The following SH3PXD2A variants were observed in gnomAD, a reference collection of about 807,000 sequenced individuals.
SH3PXD2A encodes SH3 and PX domain-containing protein 2A.
In SH3PXD2A, 32 loss-of-function variants were observed where a neutral mutation model predicts 115.2. The observed-to-expected ratio is 0.28, with a 90% CI of 0.21 to 0.37. SH3PXD2A has a LOEUF of 0.37. SH3PXD2A is among the 10% of genes least tolerant of loss of function. The pLI is 1.00. For missense variants in SH3PXD2A, 1,328 were observed against 1,498.7 expected (o/e 0.89, Z 1.88); for synonymous variants, 610 against 629.1 (o/e 0.97, Z 0.45).
At chr10:103,855,158 G>A (rs1842929274) in intron 1 of SH3PXD2A, 37 bp downstream of exon 1, 4 of 1,479,994 alleles carry the variant, frequency 2.7e-6, no homozygotes, top group Non-Finnish European at 3.6e-6. Flanking sequence ...CGGGACCTCG[G>A]GCCACCCCCA....
intron 5 of SH3PXD2A, among the ~76,000 whole-genome samples, chr10:103,707,767 C>G (rs1465907340): frequency 6.6e-5 from 10 of 152,164 alleles, no homozygotes; most frequent in Non-Finnish European, 1.5e-4. Context: ...AGTTAAGTCA[C>G]TAGCCCAGTG....
At chr10:103,806,270 T>C (rs117257157) in intron 1 of SH3PXD2A, among the ~76,000 whole-genome samples, 8,850 of 152,040 alleles carry the variant, frequency 0.058, 413 homozygotes, top group Non-Finnish European at 0.085. Context: ...TCCCTGGAGA[T>C]AAGCCCAGAG....
At chr10:103,778,318 C>CGA (rs2038900029) in intron 2 of SH3PXD2A, among the ~76,000 whole-genome samples, 1 of 152,034 alleles carries the variant, frequency 6.6e-6, no homozygotes, top group Admixed American at 6.6e-5. Flanking sequence ...GGCGATAGAG[C>CGA]GAGACTCCGT....
At chr10:103,690,098 T>A (rs1592302948) in intron 6 of SH3PXD2A, among the ~76,000 whole-genome samples, 1 of 152,138 alleles carries the variant, frequency 6.6e-6, no homozygotes, top group African/African-American at 2.4e-5. Context: ...AGTCACCCCA[T>A]CGGAGCCTCA....
At chr10:103,812,727 C>T (rs1344352154) in intron 1 of SH3PXD2A, among the ~76,000 whole-genome samples, 1 of 152,200 alleles carries the variant, frequency 6.6e-6, no homozygotes, top group Non-Finnish European at 1.5e-5. Flanking sequence ...CCCTGGGCTT[C>T]CTCCCCACCA....
chr10:103,758,480 G>A (rs1264386066), intron 3 of SH3PXD2A, among the ~76,000 whole-genome samples: 1 of 152,290 alleles, frequency 6.6e-6, no homozygotes, highest in East Asian at 1.9e-4. Flanking sequence ...TTTGTCTTCT[G>A]ACTCCCACAC....
chr10:103,834,018 C>G (rs926126692), intron 1 of SH3PXD2A, among the ~76,000 whole-genome samples: 4 of 152,212 alleles, frequency 2.6e-5, no homozygotes, highest in Non-Finnish European at 5.9e-5. Context: ...ACCCCTCCCC[C>G]ACGTCTCTAA....
intron 4 of SH3PXD2A, among the ~76,000 whole-genome samples, chr10:103,730,344 G>T (rs1343511888): frequency 1.3e-5 from 2 of 149,782 alleles, no homozygotes; most frequent in African/African-American, 4.9e-5. Context: ...AAGCCCGGCC[G>T]CGCTGGGTGG....
intron 3 of SH3PXD2A, among the ~76,000 whole-genome samples, chr10:103,748,948 C>T (rs2038541219): frequency 6.6e-6 from 1 of 151,990 alleles, no homozygotes; most frequent in Non-Finnish European, 1.5e-5. Flanking sequence ...AGCCCTTCTT[C>T]CTGAAGTCTT....
chr10:103,788,059 C>T (rs2038997302), intron 2 of SH3PXD2A, among the ~76,000 whole-genome samples: 1 of 152,176 alleles, frequency 6.6e-6, no homozygotes, highest in Non-Finnish European at 1.5e-5. Flanking sequence ...TTCCCCTAAT[C>T]CAGGCTGGGC....
Position 103,826,462 on chromosome 10 carries a change from T to C in SH3PXD2A, c.73-25100A>G, listed in dbSNP as rs577752753. Among the ~76,000 whole-genome samples the C allele has an allele frequency of 7.9e-5, 12 of 152,286 alleles. No homozygotes were observed. The East Asian group carries it at 2.3e-3, about 29-fold the overall frequency. Reference sequence around the variant, plus strand: ...AAGGAGGCTGCACCTGTTTACATATTCTCTCCAGACTAAGCCCAGAACTCC... The same window carrying C: ...AAGGAGGCTGCACCTGTTTACATATCCTCTCCAGACTAAGCCCAGAACTCC... On this transcript the variant is annotated intron_variant, in intron 1 of 14. Coordinates refer to ENST00000369774, the MANE Select transcript of SH3PXD2A (RefSeq NM_001394015.1).
chr10:103,853,921 G>C (rs983184786), intron 1 of SH3PXD2A, among the ~76,000 whole-genome samples: 1 of 152,220 alleles, frequency 6.6e-6, no homozygotes, highest in Non-Finnish European at 1.5e-5. Flanking sequence ...AGCAGAAAAT[G>C]CTTGCTGGAC....
chr10:103,780,120 T>C (rs2038918131), intron 2 of SH3PXD2A, among the ~76,000 whole-genome samples: 1 of 152,188 alleles, frequency 6.6e-6, no homozygotes, highest in Non-Finnish European at 1.5e-5. Flanking sequence ...AGAGAGCACT[T>C]TTTGGCAAAG....
intron 1 of SH3PXD2A, among the ~76,000 whole-genome samples, chr10:103,843,264 C>T (rs138768245): frequency 7.4e-4 from 112 of 152,308 alleles, no homozygotes; most frequent in African/African-American, 2.5e-3. Context: ...CAGCAGCTGC[C>T]GATGCTCTGC....
chr10:103,716,641 G>A (rs577084773), intron 5 of SH3PXD2A, among the ~76,000 whole-genome samples: 83 of 152,316 alleles, frequency 5.4e-4, no homozygotes, highest in Middle Eastern at 6.8e-3. Flanking sequence ...TCGTGGGTAA[G>A]AGGTGGGCTG....
rs1032091565 is a variant in SH3PXD2A at position 103,594,885 on chromosome 10, G to A, written c.*6931C>T. On this transcript the variant is annotated 3_prime_UTR_variant, in exon 15 of 15. Transcript: ENST00000369774. The stretch of plus-strand genomic sequence containing the variant: ...TGAGAATGACTGGTACCAACAAGAC[G>A]ACAAAGGAGGTTGCCTTCCTCCCAG... 5.3e-5 allele frequency: 8 copies of A among 152,206 alleles called. No individual in the cohort carries two copies. Among genetic ancestry groups the A allele is most frequent in the African/African-American group, 1.7e-4 (7 of 41,442 alleles). The allele number at this position is 152,206 out of a possible 1,614,324, so 9.4% of individuals were successfully genotyped here.
At chr10:103,827,025 T>C (rs1025692466) in intron 1 of SH3PXD2A, among the ~76,000 whole-genome samples, 1 of 152,150 alleles carries the variant, frequency 6.6e-6, no homozygotes, top group African/African-American at 2.4e-5. Context: ...ATGAATCCAG[T>C]TCCTTCCACA....
intron 1 of SH3PXD2A, among the ~76,000 whole-genome samples, chr10:103,830,074 CA>C: frequency 6.6e-6 from 1 of 152,160 alleles, no homozygotes; most frequent in East Asian, 1.9e-4. Flanking sequence ...CAAGAATGGC[CA>C]GTGAGGCTTC....
At chr10:103,835,672 C>A (rs10883922) in intron 1 of SH3PXD2A, among the ~76,000 whole-genome samples, 3 of 151,964 alleles carry the variant, frequency 2.0e-5, no homozygotes, top group East Asian at 1.9e-4. Context: ...GGCCGCCCCC[C>A]CAACCCCTCA....
Sources: allele counts gnomAD v4.1 joint callset (sites outside exome capture counted in the v4.1 genomes callset), GRCh38; gene constraint gnomAD v4.1.1; transcripts MANE v1.5; gene names NCBI Gene and HGNC (gene_info 2026-07-23, HGNC 2026-07-21).